Variants in IL7 observed in about 807,000 individuals in gnomAD.
IL7 encodes interleukin 7.
A neutral mutation model predicts 21.6 loss-of-function variants in IL7; 3 were observed. That is an observed-to-expected ratio of 0.14 (90% CI 0.06 to 0.36). IL7 has a LOEUF of 0.36. IL7 is among the 10% of genes least tolerant of loss of function. The pLI, the probability that IL7 is intolerant of heterozygous loss-of-function variation, is 1.00. For synonymous variants in IL7, 62 were observed against 68.1 expected, an observed-to-expected ratio of 0.91 and a Z score of 0.44; for missense variants, 175 against 200.2, an observed-to-expected ratio of 0.87 and a Z score of 0.76.
At chr8:78,798,358 C>A (rs1813934244) in intron 1 of IL7, 150 bp from the exon 2 acceptor site, 1 of 572,866 alleles carries the variant, frequency 1.7e-6, no homozygotes, top group Non-Finnish European at 3.0e-6. Context: ...AAAAGTTGAA[C>A]TTATGTAACA....
intron 3 of IL7, among the ~76,000 whole-genome samples, chr8:78,701,677 G>C (rs970282500): frequency 1.3e-5 from 2 of 152,158 alleles, no homozygotes. Context: ...GCAATACCTA[G>C]TTTATTGAGA....
chr8:78,723,114 T>TATATATATATATATA (rs1563645665), intron 3 of IL7, among the ~76,000 whole-genome samples: 3 of 147,858 alleles, frequency 2.0e-5, no homozygotes, highest in Admixed American at 6.8e-5. Flanking sequence ...TATATATATA[T>TATATATATATATATA]TTAGAAGCCA....
intron 3 of IL7, among the ~76,000 whole-genome samples, chr8:78,706,242 T>C (rs1159202578): frequency 6.6e-6 from 1 of 152,172 alleles, no homozygotes; most frequent in Non-Finnish European, 1.5e-5. Flanking sequence ...TGAGGTGTTA[T>C]GAAAGTGAGA....
At chr8:78,728,326 C>G (rs1811369147), downstream of IL7, among the ~76,000 whole-genome samples, 1 of 151,830 alleles carries the variant, frequency 6.6e-6, no homozygotes, top group Non-Finnish European at 1.5e-5. Flanking sequence ...GCCAAAACAA[C>G]TTTGAAAAAT....
At chr8:78,781,764 T>C (rs1159531690) in intron 2 of IL7, among the ~76,000 whole-genome samples, 1 of 152,184 alleles carries the variant, frequency 6.6e-6, no homozygotes, top group Non-Finnish European at 1.5e-5. Context: ...ACTGTTGCCC[T>C]GTCTTGCTAG....
chr8:78,790,123 C>T (rs1813636516), intron 2 of IL7, among the ~76,000 whole-genome samples: 1 of 152,070 alleles, frequency 6.6e-6, no homozygotes, highest in Non-Finnish European at 1.5e-5. Context: ...TATATTATAA[C>T]CGATTAGTCA....
intron 2 of IL7, chr8:78,760,722 T>A: frequency 6.4e-7 from 1 of 1,560,824 alleles, no homozygotes; most frequent in South Asian, 1.1e-5. Context: ...CTCTCAAAGG[T>A]TAGCTGAGAT....
intron 3 of IL7, among the ~76,000 whole-genome samples, chr8:78,688,488 TA>T (rs1257183139): frequency 1.3e-5 from 2 of 152,210 alleles, no homozygotes; most frequent in Non-Finnish European, 2.9e-5. Flanking sequence ...AAATAAGTTG[TA>T]AACCTGTTAA....
chr8:78,688,571 G>C (rs1440880328), intron 3 of IL7, among the ~76,000 whole-genome samples: 2 of 152,034 alleles, frequency 1.3e-5, no homozygotes, highest in Non-Finnish European at 2.9e-5. Flanking sequence ...ATTTTACAAT[G>C]CTACAAAATA....
intron 3 of IL7, among the ~76,000 whole-genome samples, chr8:78,712,483 A>T (rs1318823819): frequency 6.6e-6 from 1 of 152,174 alleles, no homozygotes; most frequent in African/African-American, 2.4e-5. Flanking sequence ...TAATATTGTT[A>T]GATTATCTCT....
chr8:78,725,759 A>G lies in IL7; in HGVS notation n.268-4319T>C, dbSNP rs146805750. On this transcript the variant is annotated intron_variant and non_coding_transcript_variant, in intron 3 of 6. Coordinates refer to the IL7 transcript ENST00000519833. ...GTATGCTTTGAGTATAATTATATGT[A>G]TCTTGCAGGATGAATTTGAGGATTA... Among the ~76,000 whole-genome samples, 4 of 152,168 alleles carry G rather than the reference A, an allele frequency of 2.6e-5. No individual in the cohort carries two copies. The East Asian group carries it at 7.7e-4, about 29-fold the overall frequency.
At chr8:78,743,313 A>G (rs930922583) in intron 2 of IL7, among the ~76,000 whole-genome samples, 2 of 152,196 alleles carry the variant, frequency 1.3e-5, no homozygotes, top group Non-Finnish European at 2.9e-5. Flanking sequence ...AGAAATTGCC[A>G]TACCATCTTC....
At chr8:78,697,622 G>A in intron 3 of IL7, 1 of 687,544 alleles carries the variant, frequency 1.5e-6, no homozygotes, top group Admixed American at 3.6e-5. Flanking sequence ...AAGAAGAGAT[G>A]TAGAAGTTAA....
chr8:78,698,785 A>G (rs959814885), intron 3 of IL7, among the ~76,000 whole-genome samples: 1 of 152,176 alleles, frequency 6.6e-6, no homozygotes, highest in African/African-American at 2.4e-5. Context: ...ATAATTTGAA[A>G]TGTTGACGAT....
At chr8:78,727,433 A>G (rs1400030009) in intron 3 of IL7, among the ~76,000 whole-genome samples, 2 of 152,068 alleles carry the variant, frequency 1.3e-5, no homozygotes, top group African/African-American at 4.8e-5. Context: ...ACTTAGAAGA[A>G]TAGTACAGAA....
intron 5 of IL7, among the ~76,000 whole-genome samples, chr8:78,736,090 GTTTAATTTTT>G (rs953537978): frequency 1.4e-4 from 21 of 151,140 alleles, no homozygotes; most frequent in African/African-American, 4.8e-4. Flanking sequence ...AGTCCTTATT[GTTTAATTTTT>G]ATTTCTTTAC....
intron 4 of IL7, among the ~76,000 whole-genome samples, chr8:78,685,264 A>T (rs1809932000): frequency 6.6e-6 from 1 of 152,170 alleles, no homozygotes; most frequent in Non-Finnish European, 1.5e-5. Flanking sequence ...CATGTTAAAA[A>T]AATAAGCGAA....
Position 78,697,540 on chromosome 8 carries a change from T to C in IL7, n.215-11593A>G, listed in dbSNP as rs951389788. On this transcript the variant is annotated intron_variant and non_coding_transcript_variant, in intron 3 of 4. Coordinates refer to the IL7 transcript ENST00000523959. ...AGCCGAAAAGCAACTTGATTTGTTT[T>C]TGAAACCATGTTGGCAGAGCAGGAA... The C allele has an allele frequency of 1.9e-6, 3 of 1,538,568 alleles. No homozygotes were observed. The East Asian group carries it at 6.8e-5, about 35-fold the overall frequency.
At chr8:78,692,655 T>C (rs1489541659) in intron 3 of IL7, among the ~76,000 whole-genome samples, 2 of 152,096 alleles carry the variant, frequency 1.3e-5, no homozygotes, top group African/African-American at 4.8e-5. Context: ...CAGTAATCTT[T>C]TTGTTGTAAT....
Sources: gnomAD v4.1 joint callset for allele counts (sites outside exome capture counted in the v4.1 genomes callset) on GRCh38, gnomAD v4.1.1 for gene constraint, MANE v1.5 for transcripts, NCBI Gene and HGNC (gene_info 2026-07-23, HGNC 2026-07-21) for gene names.